FBLN1: variants seen among roughly 807,000 people sequenced by gnomAD.
FBLN1 encodes the protein fibulin-1.
In FBLN1, 34 loss-of-function variants were observed where a neutral mutation model predicts 89.7. The ratio of observed to expected loss-of-function variants is 0.38; its 90% confidence interval spans 0.29 to 0.50. FBLN1 has a LOEUF of 0.50. Ranked by LOEUF, FBLN1 falls within the 20% of genes least tolerant of loss-of-function variation. The pLI is 0.92. For synonymous variants in FBLN1, 393 were observed against 391.3 expected (o/e 1.00, Z -0.05); for missense variants, 777 against 988.1 (o/e 0.79, Z 2.86).
intron 5 of FBLN1, 40 bp from the exon 6 acceptor site, chr22:45,533,022 TG>T: frequency 6.4e-7 from 1 of 1,559,902 alleles, no homozygotes. Context: ...AGGCGGTGCC[TG>T]GGTGCGTCCA....
At position 45,563,415 on chromosome 22, in the gene FBLN1, TA is replaced by T. The variant is rs2088873716; in HGVS notation, c.1698-11095del. The T allele has an allele frequency of 1.6e-5, 24 of 1,499,432 alleles. No homozygotes were observed. In the South Asian group the frequency reaches 2.9e-4, roughly 18 times the overall value. 92.9% of individuals were successfully genotyped at this position (1,499,432 alleles called of 1,614,324 possible). ...ATGGTTGGGAGTCTGTGCCGCTTGTTACCCGGGGGTGAGCTGGGCACTGGCC... is the reference window on the plus strand; with the variant it reads ...ATGGTTGGGAGTCTGTGCCGCTTGTTCCCGGGGGTGAGCTGGGCACTGGCC... On this transcript the variant is annotated intron_variant, in intron 14 of 16. Coordinates refer to ENST00000327858, the MANE Select transcript of FBLN1 (RefSeq NM_006486.3). This position sits in a 1 kb window ranked among gnomAD's most constrained non-coding sequence, Gnocchi z 5.7.
chr22:45,521,288 C>T (rs1177077042), intron 2 of FBLN1, among the ~76,000 whole-genome samples: 9 of 152,210 alleles, frequency 5.9e-5, no homozygotes, highest in East Asian at 1.9e-4. Flanking sequence ...TCCTGGGTAT[C>T]GTGAGTTTCC....
chr22:45,503,837 A>C (rs146902758), intron 1 of FBLN1, among the ~76,000 whole-genome samples: 2 of 151,822 alleles, frequency 1.3e-5, no homozygotes, highest in African/African-American at 4.8e-5. Context: ...TTAGGCCCCA[A>C]CTCTGGGACT....
At chr22:45,593,143 C>T (rs556175689) in intron 16 of FBLN1, among the ~76,000 whole-genome samples, 3 of 152,088 alleles carry the variant, frequency 2.0e-5, no homozygotes, top group African/African-American at 7.2e-5. Context: ...AGACATGAGA[C>T]TCAGGCAGAG....
At chr22:45,551,879 T>C (rs2088706712) in intron 14 of FBLN1, among the ~76,000 whole-genome samples, 1 of 152,248 alleles carries the variant, frequency 6.6e-6, no homozygotes, top group Admixed American at 6.5e-5. Context: ...AGGCTGGCTG[T>C]GGTTGTGACC....
Position 45,550,680 on chromosome 22 carries a change from G to C in FBLN1, c.1697+65G>C, listed in dbSNP as rs774304992. 3.7e-6 allele frequency: 6 copies of C among 1,611,416 alleles called. No individual in the cohort carries two copies. The highest frequency in any genetic ancestry group is 1.7e-5 in the Admixed American group (1 of 60,014). On this transcript the variant is annotated intron_variant, in intron 14 of 16. Transcript: ENST00000327858. This position sits in a 1 kb window ranked among gnomAD's most constrained non-coding sequence, Gnocchi z 8.4. ...TGGCCTTCCTGGTGACCCAGTTCCCGGGTGGGTGGGTTATCAGGCTGTGAC... is the reference window on the plus strand; with the variant it reads ...TGGCCTTCCTGGTGACCCAGTTCCCCGGTGGGTGGGTTATCAGGCTGTGAC...
chr22:45,574,798 T>C lies in FBLN1; in HGVS notation c.1840+145T>C. 4.1e-6 allele frequency: 3 copies of C among 727,546 alleles called. No homozygotes were observed. Among genetic ancestry groups the C allele is most frequent in the Non-Finnish European group, 4.3e-6 (2 of 462,790 alleles). 45.1% of individuals were successfully genotyped at this position (727,546 alleles called of 1,614,324 possible). A position where few individuals can be genotyped will look rare whatever the true frequency, so the allele number is the denominator to read the frequency against. On this transcript the variant is annotated intron_variant, in intron 15 of 16. Coordinates refer to ENST00000327858, the MANE Select transcript of FBLN1 (RefSeq NM_006486.3). This position sits in a 1 kb window ranked among gnomAD's most constrained non-coding sequence, Gnocchi z 4.1. Reference sequence around the variant, plus strand: ...CTTTCTTTTTTTTTTTTTTTTTTTTTTGAGACGGAGTCTCGCTCTGTCGCC... The same window carrying C: ...CTTTCTTTTTTTTTTTTTTTTTTTTCTGAGACGGAGTCTCGCTCTGTCGCC...
chr22:45,595,746 G>C (rs1428094612), intron 16 of FBLN1, among the ~76,000 whole-genome samples: 2 of 152,312 alleles, frequency 1.3e-5, no homozygotes, highest in Non-Finnish European at 2.9e-5. Context: ...CTGGGAGTCA[G>C]ATCACTTTAA....
intron 16 of FBLN1, among the ~76,000 whole-genome samples, chr22:45,596,867 T>C (rs938301589): frequency 2.5e-5 from 2 of 79,504 alleles, no homozygotes; most frequent in African/African-American, 1.5e-4. Context: ...AAATACACTT[T>C]AAACTATTTA....
chr22:45,531,139 G>C lies in FBLN1; in HGVS notation c.485-126G>C, dbSNP rs1203711039. ...AAGAGGATAAAGTTAATACTTAGCTGTTTATATAAGATGTTCAAATGGGCA... is the reference window on the plus strand; with the variant it reads ...AAGAGGATAAAGTTAATACTTAGCTCTTTATATAAGATGTTCAAATGGGCA... On this transcript the variant is annotated intron_variant, in intron 4 of 16. Transcript: ENST00000327858. The surrounding 1 kb of genome is among the most constrained non-coding windows in gnomAD (Gnocchi z 4.9). The C allele has an allele frequency of 3.8e-6, 3 of 793,668 alleles. No individual in the cohort carries two copies. Among genetic ancestry groups the C allele is most frequent in the African/African-American group, 3.4e-5 (2 of 59,132 alleles). 49.2% of individuals were successfully genotyped at this position (793,668 alleles called of 1,614,324 possible). A position where few individuals can be genotyped will look rare whatever the true frequency, so the allele number is the denominator to read the frequency against.
Position 45,527,964 on chromosome 22 carries a change from A to G in FBLN1, c.439A>G (p.Ser147Gly), listed in dbSNP as rs754274542. ...GGTCTTCCAGGCATGCTGTGTCAAG[A>G]GCCAGGAGACCGGAGATTTGGATGT... is the stretch of plus-strand genomic sequence containing the variant. The part of the protein sequence containing the change: ...GQVFQACCVK[S>G]QETGDLDVGG... Residue 147 changes from serine to glycine, a missense_variant, in exon 4 of 17, where the codon AGC (serine) becomes GGC (glycine). Ser to Gly is a moderately conservative substitution (Grantham distance 56). Transcript: ENST00000327858. The G allele has an allele frequency of 1.2e-6, 2 of 1,614,114 alleles. No homozygotes were observed. Among genetic ancestry groups the G allele is most frequent in the African/African-American group, 2.7e-5 (2 of 74,952 alleles).
intron 14 of FBLN1, among the ~76,000 whole-genome samples, chr22:45,551,848 C>T (rs2088706220): frequency 6.6e-6 from 1 of 152,228 alleles, no homozygotes; most frequent in Non-Finnish European, 1.5e-5. Flanking sequence ...TTTGTCAGCG[C>T]CTGGGCTTGA....
chr22:45,537,500 A>C lies in FBLN1; in HGVS notation c.922+2163A>C, dbSNP rs976987177. 2.0e-5 allele frequency among the ~76,000 whole-genome samples: 3 copies of C among 152,040 alleles called. No individual in the cohort carries two copies. The highest frequency in any genetic ancestry group is 7.2e-5 in the African/African-American group (3 of 41,404). ...CGGGTGTGGTGGTGGGCACCTTGTAATCCCAGCTACTCAAGATGCTGAGGC... is the reference window on the plus strand; with the variant it reads ...CGGGTGTGGTGGTGGGCACCTTGTACTCCCAGCTACTCAAGATGCTGAGGC... On this transcript the variant is annotated intron_variant, in intron 8 of 16. Coordinates refer to ENST00000327858, the MANE Select transcript of FBLN1 (RefSeq NM_006486.3). This position sits in a 1 kb window ranked among gnomAD's most constrained non-coding sequence, Gnocchi z 5.7.
intron 12 of FBLN1, 52 bp downstream of exon 12, chr22:45,547,256 G>A (rs777119256): frequency 3.1e-6 from 5 of 1,607,958 alleles, no homozygotes; most frequent in Admixed American, 3.3e-5. Context: ...GTCTTGCCAT[G>A]ACACAGCAGC....
rs1367482613 is a variant in FBLN1, at chr22:45,545,724, G to A, written c.1322-1361G>A. Among the ~76,000 whole-genome samples, 1 of 152,148 alleles carries A rather than the reference G, an allele frequency of 6.6e-6. No homozygotes were observed. Among genetic ancestry groups the A allele is most frequent in the Non-Finnish European group, 1.5e-5 (1 of 68,018 alleles). Reference sequence around the variant, plus strand: ...TGTGGGGGCCACAGAGATGAAACACGGGGTGGAAGGCTATTGGACGTTCTG... The same window carrying A: ...TGTGGGGGCCACAGAGATGAAACACAGGGTGGAAGGCTATTGGACGTTCTG... On this transcript the variant is annotated intron_variant, in intron 11 of 16. Transcript: ENST00000327858. This position sits in a 1 kb window ranked among gnomAD's most constrained non-coding sequence, Gnocchi z 5.9.
chr22:45,567,408 G>T (rs1459604467), intron 14 of FBLN1, among the ~76,000 whole-genome samples: 1 of 152,200 alleles, frequency 6.6e-6, no homozygotes, highest in Non-Finnish European at 1.5e-5. Context: ...TGAAGGTCGG[G>T]AGTTCAAGAC....
chr22:45,543,586 C>G, intron 11 of FBLN1, 60 bp downstream of exon 11: 1 of 1,591,804 alleles, frequency 6.3e-7, no homozygotes. Context: ...GGGGAAGCCA[C>G]CCTTCTGCAG....
chr22:45,599,191 C>G (rs912204704), intron 16 of FBLN1, among the ~76,000 whole-genome samples: 18 of 152,212 alleles, frequency 1.2e-4, no homozygotes, highest in Non-Finnish European at 2.9e-5. Context: ...CGGTCTTTGC[C>G]TGATCCCTAC....
rs2146956713 is a variant in FBLN1, at chr22:45,523,514, C to A, written c.186-2029C>A. On this transcript the variant is annotated intron_variant, in intron 2 of 16. Transcript: ENST00000327858. Reference sequence around the variant, plus strand: ...GGTCAGGCGTTTGAGACCATCCTGGCCAACATGGCAAGATCTCATCTCTAC... The same window carrying A: ...GGTCAGGCGTTTGAGACCATCCTGGACAACATGGCAAGATCTCATCTCTAC... 3.9e-5 allele frequency among the ~76,000 whole-genome samples: 6 copies of A among 152,282 alleles called. 1 individual carries two copies. In the South Asian group the frequency reaches 1.2e-3, roughly 32 times the overall value.
Sources: allele counts gnomAD v4.1 joint callset (sites outside exome capture counted in the v4.1 genomes callset), GRCh38; gene constraint gnomAD v4.1.1; non-coding constraint Gnocchi (gnomAD v3.1); transcripts MANE v1.5; gene names NCBI Gene and HGNC (gene_info 2026-07-23, HGNC 2026-07-21).